The following C13orf42 variants were observed in gnomAD, a reference collection of about 807,000 sequenced individuals.
C13orf42 encodes chromosome 13 open reading frame 42.
chr13:51,127,028 G>A (rs567645889), intron 1 of C13orf42, among the ~76,000 whole-genome samples: 35 of 152,274 alleles, frequency 2.3e-4, no homozygotes, highest in African/African-American at 7.2e-4. Context: ...AGAGCTGGGC[G>A]TGGTGGCAGG....
intron 1 of C13orf42, among the ~76,000 whole-genome samples, chr13:51,157,363 G>A (rs532485482): frequency 6.6e-6 from 1 of 152,346 alleles, no homozygotes; most frequent in Non-Finnish European, 1.5e-5. Flanking sequence ...GAACCCAGGA[G>A]GTGGAGGTTG....
intron 1 of C13orf42, among the ~76,000 whole-genome samples, chr13:51,105,797 T>G (rs1005017347): frequency 1.3e-5 from 2 of 152,202 alleles, no homozygotes; most frequent in African/African-American, 4.8e-5. Flanking sequence ...TCTTGTATGT[T>G]ATACAAGATC....
intron 1 of C13orf42, among the ~76,000 whole-genome samples, chr13:51,138,252 T>C (rs981945303): frequency 4.6e-5 from 7 of 152,258 alleles, no homozygotes; most frequent in Admixed American, 3.9e-4. Context: ...CTGTGACATA[T>C]TATGACTTCA....
chr13:51,143,464 A>G (rs1182721691), intron 1 of C13orf42, among the ~76,000 whole-genome samples: 1 of 152,176 alleles, frequency 6.6e-6, no homozygotes, highest in East Asian at 1.9e-4. Context: ...AATAAAGGTT[A>G]TAAAAGACTT....
intron 1 of C13orf42, among the ~76,000 whole-genome samples, chr13:51,146,131 T>C (rs1953733104): frequency 1.3e-5 from 2 of 152,112 alleles, no homozygotes; most frequent in Admixed American, 1.3e-4. Flanking sequence ...TGTTCTTACC[T>C]AAATAAAACT....
intron 1 of C13orf42, among the ~76,000 whole-genome samples, chr13:51,109,960 A>C (rs1220933643): frequency 6.6e-6 from 1 of 152,208 alleles, no homozygotes; most frequent in African/African-American, 2.4e-5. Context: ...CACTGCAATA[A>C]GCATAAACAA....
intron 1 of C13orf42, among the ~76,000 whole-genome samples, chr13:51,098,810 T>C (rs771704533): frequency 4.0e-5 from 6 of 151,894 alleles, no homozygotes; most frequent in Admixed American, 6.6e-5. Context: ...TGTCTTTATG[T>C]ATGAACATCG....
intron 1 of C13orf42, chr13:51,161,889 C>T (rs377045393): frequency 6.2e-4 from 304 of 486,824 alleles, no homozygotes; most frequent in Middle Eastern, 3.6e-3. Flanking sequence ...GTGGTTCTGG[C>T]AAGGCCTGCA....
chr13:51,091,574 G>A (rs143016258), intron 1 of C13orf42, among the ~76,000 whole-genome samples: 1 of 152,232 alleles, frequency 6.6e-6, no homozygotes, highest in East Asian at 1.9e-4. Flanking sequence ...CTGTAACAGT[G>A]GTACCTAATC....
chr13:51,146,820 C>T (rs185688012), intron 1 of C13orf42, among the ~76,000 whole-genome samples: 1 of 152,268 alleles, frequency 6.6e-6, no homozygotes, highest in East Asian at 1.9e-4. Context: ...CTTGACTTTT[C>T]CCTTTAGCTT....
chr13:51,130,165 G>A (rs538963521), intron 1 of C13orf42, among the ~76,000 whole-genome samples: 4 of 152,146 alleles, frequency 2.6e-5, no homozygotes, highest in South Asian at 4.2e-4. Context: ...GTAATCTTTG[G>A]GAAATAAAAA....
At position 51,105,732 on chromosome 13, in the gene C13orf42, T is replaced by C. The variant is rs570061978; in HGVS notation, c.414+5064A>G. ...GGTCTTGATTTTCTATGATTTTTTT[T>C]CTCTCCTGATTTTCCAATTTCTGGT... On this transcript the variant is annotated intron_variant, in intron 1 of 3. Coordinates refer to ENST00000563710, the MANE Select transcript of C13orf42 (RefSeq NM_001351589.3). 3.2e-4 allele frequency among the ~76,000 whole-genome samples: 49 copies of C among 152,334 alleles called. 1 individual carries two copies. In the South Asian group the frequency reaches 9.7e-3, roughly 30 times the overall value.
At chr13:51,161,624 T>G (rs1334587839) in intron 1 of C13orf42, 1 of 173,670 alleles carries the variant, frequency 5.8e-6, no homozygotes, top group East Asian at 1.8e-4. Flanking sequence ...TAGTCGATCC[T>G]AAGCTTGCTT....
rs563746032 is a variant in C13orf42 at position 51,090,442 on chromosome 13, AC to A, written c.415-2368del. On this transcript the variant is annotated intron_variant, in intron 1 of 3. Coordinates refer to ENST00000563710, the MANE Select transcript of C13orf42 (RefSeq NM_001351589.3). ...GCCATTCTTTGGCTGACCCAGCCTG[AC>A]CCCTGAGGAAGGATGGGTATTATTT... 6.6e-5 allele frequency among the ~76,000 whole-genome samples: 10 copies of A among 152,026 alleles called. No homozygotes were observed. In the East Asian group the frequency reaches 1.9e-3, roughly 29 times the overall value.
intron 1 of C13orf42, among the ~76,000 whole-genome samples, chr13:51,160,953 T>C (rs1186527963): frequency 1.5e-5 from 2 of 133,416 alleles, no homozygotes; most frequent in Non-Finnish European, 3.3e-5. Flanking sequence ...CCTACAAAGA[T>C]TGGAAACAAG....
chr13:51,114,660 A>ATT (rs1205103520), upstream of C13orf42, among the ~76,000 whole-genome samples: 15 of 61,330 alleles, frequency 2.4e-4, no homozygotes, highest in African/African-American at 1.1e-3. Flanking sequence ...ATAGACAGAC[A>ATT]GACAGACAGA....
intron 1 of C13orf42, among the ~76,000 whole-genome samples, chr13:51,157,968 T>C (rs1400937639): frequency 2.6e-5 from 4 of 152,178 alleles, no homozygotes; most frequent in Non-Finnish European, 5.9e-5. Context: ...GTCACCACCC[T>C]TAGTGACAGT....
chr13:51,140,554 C>T (rs1953688294), intron 1 of C13orf42, among the ~76,000 whole-genome samples: 1 of 152,134 alleles, frequency 6.6e-6, no homozygotes, highest in South Asian at 2.1e-4. Flanking sequence ...ATGGCTCAAA[C>T]CAATAGGACA....
intron 1 of C13orf42, among the ~76,000 whole-genome samples, chr13:51,124,717 CAG>C (rs1386108206): frequency 6.6e-6 from 1 of 152,104 alleles, no homozygotes; most frequent in African/African-American, 2.4e-5. Context: ...GGAGGTTTTC[CAG>C]AGTTTCTTGA....
Sources: gnomAD v4.1 joint callset for allele counts (sites outside exome capture counted in the v4.1 genomes callset) on GRCh38, gnomAD v4.1.1 for gene constraint, MANE v1.5 for transcripts, NCBI Gene and HGNC (gene_info 2026-07-23, HGNC 2026-07-21) for gene names.